SAMD4A: variants seen among roughly 807,000 people sequenced by gnomAD.
The protein encoded by SAMD4A is protein Smaug homolog 1.
Under a neutral mutation model 81.3 loss-of-function variants are expected in SAMD4A, and 33 were observed. The observed-to-expected ratio is 0.41, with a 90% CI of 0.31 to 0.54. The LOEUF is 0.54. Ranked by LOEUF, SAMD4A falls within the 20% of genes least tolerant of loss-of-function variation. The pLI, the probability that SAMD4A is intolerant of heterozygous loss-of-function variation, is 0.37. For missense variants in SAMD4A, 854 were observed against 951.1 expected (o/e 0.90, Z 1.34); for synonymous variants, 389 against 382.1 (o/e 1.02, Z -0.21).
At chr14:54,703,171 C>A (rs961833635) in intron 3 of SAMD4A, 1 of 155,854 alleles carries the variant, frequency 6.4e-6, no homozygotes, top group African/African-American at 2.4e-5. Flanking sequence ...CTGCTGTGTG[C>A]TGTGGCCTGG....
chr14:54,687,242 G>C, intron 2 of SAMD4A: 1 of 347,708 alleles, frequency 2.9e-6, no homozygotes, highest in Non-Finnish European at 5.3e-6. Flanking sequence ...AAATAAGAAA[G>C]AGAAAAGATG....
chr14:54,682,745 A>G (rs921747628), intron 2 of SAMD4A, among the ~76,000 whole-genome samples: 1 of 152,212 alleles, frequency 6.6e-6, no homozygotes, highest in East Asian at 1.9e-4. Flanking sequence ...ACATGTACCA[A>G]ATTAAAGCGT....
intron 2 of SAMD4A, among the ~76,000 whole-genome samples, chr14:54,679,020 G>A (rs1432490045): frequency 6.6e-6 from 1 of 152,190 alleles, no homozygotes; most frequent in Admixed American, 6.5e-5. Context: ...GGGAGAAGTG[G>A]GGGAAACAAG....
chr14:54,623,123 C>A (rs1171115847), intron 2 of SAMD4A, among the ~76,000 whole-genome samples: 1 of 152,154 alleles, frequency 6.6e-6, no homozygotes, highest in Non-Finnish European at 1.5e-5. Context: ...CCAGTGTATC[C>A]CCCAGGGACT....
At chr14:54,692,883 C>CCCT (rs1029345800) in intron 2 of SAMD4A, 1 of 146,354 alleles carries the variant, frequency 6.8e-6, no homozygotes, top group Non-Finnish European at 1.5e-5. Context: ...AGTGCCCCCC[C>CCCT]CCGCAAAAAA....
chr14:54,760,394 G>A lies in SAMD4A; in HGVS notation c.1410G>A (p.Gly470=), dbSNP rs747712759. The A allele has an allele frequency of 4.0e-6, 6 of 1,492,310 alleles. No homozygotes were observed. The African/African-American group carries it at 4.3e-5, about 11-fold the overall frequency. 92.4% of individuals were successfully genotyped at this position (1,492,310 alleles called of 1,614,324 possible). ...TATPSAGASG[G]LQPHQLSSCD... ...CCCCCTCGGCCGGGGCCAGCGGGGG[G>A]CTCCAGCCGCACCAGCTGAGCAGCT... The change falls in exon 7 of 13, where the codon GGG becomes GGA. Residue 470 remains glycine (G), a synonymous_variant. Coordinates refer to ENST00000554335, the MANE Select transcript of SAMD4A (RefSeq NM_015589.6).
At chr14:54,601,700 G>T (rs80277252) in intron 2 of SAMD4A, among the ~76,000 whole-genome samples, 3 of 152,286 alleles carry the variant, frequency 2.0e-5, no homozygotes. Flanking sequence ...AGGGCCTCCC[G>T]TGGAGGCTCC....
intron 4 of SAMD4A, among the ~76,000 whole-genome samples, chr14:54,738,283 G>A (rs1056413332): frequency 3.9e-5 from 6 of 152,142 alleles, no homozygotes; most frequent in Admixed American, 1.3e-4. Flanking sequence ...CTCCCTTCAC[G>A]GAAGCCTGGC....
At chr14:54,674,575 G>A (rs981492932) in intron 2 of SAMD4A, among the ~76,000 whole-genome samples, 5 of 152,122 alleles carry the variant, frequency 3.3e-5, no homozygotes, top group Non-Finnish European at 1.5e-5. Flanking sequence ...CCATGCAGGC[G>A]TTTAGTCTCT....
chr14:54,699,909 T>A (rs1319447809), intron 2 of SAMD4A, among the ~76,000 whole-genome samples: 1 of 151,786 alleles, frequency 6.6e-6, no homozygotes, highest in Non-Finnish European at 1.5e-5. Flanking sequence ...CTGCTTCGGT[T>A]TGGAGACTTC....
Position 54,567,884 on chromosome 14 carries a change from G to T in SAMD4A, c.-33G>T. On this transcript the variant is annotated 5_prime_UTR_variant, in exon 2 of 13. Transcript: ENST00000554335. ...GGGCGGGGCGGGCTGGGGCGCCCAG[G>T]GGGCTCTGTAGACCGAGGGCGGCCC... The T allele has an allele frequency of 1.9e-6, 3 of 1,586,886 alleles. No individual in the cohort carries two copies. Among genetic ancestry groups the T allele is most frequent in the Non-Finnish European group, 1.7e-6 (2 of 1,173,388 alleles).
At chr14:54,691,998 C>G (rs2036454881) in intron 2 of SAMD4A, among the ~76,000 whole-genome samples, 1 of 152,216 alleles carries the variant, frequency 6.6e-6, no homozygotes, top group East Asian at 1.9e-4. Flanking sequence ...ACATTGCTAA[C>G]ATGCATATTT....
At chr14:54,637,711 G>C (rs956304622) in intron 2 of SAMD4A, among the ~76,000 whole-genome samples, 3 of 152,178 alleles carry the variant, frequency 2.0e-5, no homozygotes, top group African/African-American at 7.2e-5. Flanking sequence ...AGACAGAGAG[G>C]AATGAGCAGG....
At chr14:54,733,410 C>A (rs546643679) in intron 3 of SAMD4A, among the ~76,000 whole-genome samples, 3 of 152,082 alleles carry the variant, frequency 2.0e-5, no homozygotes, top group Non-Finnish European at 4.4e-5. Context: ...ATACTGTATA[C>A]AATTATTAAA....
In SAMD4A at chr14:54,567,583, C is replaced by A; in HGVS notation, c.-334C>A. ...ACCCCAGGACGCCGGAAATCACCAT[C>A]CCAAAGCTGCAAGAAGGGGGGAGAA... On this transcript the variant is annotated 5_prime_UTR_variant, in exon 2 of 13. Transcript: ENST00000554335. 1 of 308,976 alleles carries A rather than the reference C, an allele frequency of 3.2e-6. No individual in the cohort carries two copies. The highest frequency in any genetic ancestry group is 6.0e-6 in the Non-Finnish European group (1 of 166,994). The allele number at this position is 308,976 out of a possible 1,614,324, so 19.1% of individuals were successfully genotyped here.
intron 2 of SAMD4A, among the ~76,000 whole-genome samples, chr14:54,626,063 C>CGT (rs1566554476): frequency 1.1e-5 from 1 of 93,052 alleles, no homozygotes; most frequent in African/African-American, 5.2e-5. Flanking sequence ...TGTGTGTGCG[C>CGT]GCGCGCGCGC....
chr14:54,614,681 A>T lies in SAMD4A; in HGVS notation c.196+46569A>T, dbSNP rs151152667. On this transcript the variant is annotated intron_variant, in intron 2 of 12. Coordinates refer to ENST00000554335, the MANE Select transcript of SAMD4A (RefSeq NM_015589.6). ...TGCCTATAATAGTTTAATAAAAGCA[A>T]GTGGTTTTGCCCTTTTTTGCCTCAG... is the stretch of plus-strand genomic sequence containing the variant. Among the ~76,000 whole-genome samples the T allele has an allele frequency of 1.5e-3, 225 of 152,350 alleles. 2 individuals are homozygous for T. Among genetic ancestry groups the T allele is most frequent in the African/African-American group, 5.1e-3 (214 of 41,588 alleles).
intron 2 of SAMD4A, among the ~76,000 whole-genome samples, chr14:54,660,712 C>A (rs2035623303): frequency 1.3e-5 from 2 of 152,216 alleles, no homozygotes; most frequent in African/African-American, 2.4e-5. Flanking sequence ...TGTCTAGAAT[C>A]TGATTATGTG....
chr14:54,606,363 T>A (rs2034206082), intron 2 of SAMD4A, among the ~76,000 whole-genome samples: 1 of 152,222 alleles, frequency 6.6e-6, no homozygotes, highest in African/African-American at 2.4e-5. Flanking sequence ...ATGGCATTGA[T>A]GTTTACAAGC....
Sources: allele counts gnomAD v4.1 joint callset (sites outside exome capture counted in the v4.1 genomes callset), GRCh38; gene constraint gnomAD v4.1.1; transcripts MANE v1.5; gene names NCBI Gene and HGNC (gene_info 2026-07-23, HGNC 2026-07-21).